The following BCHE variants were observed in gnomAD, a reference collection of about 807,000 sequenced individuals.
BCHE encodes cholinesterase.
A neutral mutation model predicts 51.3 loss-of-function variants in BCHE; 48 were observed. The ratio of observed to expected loss-of-function variants is 0.94; its 90% CI spans 0.74 to 1.19. The LOEUF (loss-of-function observed/expected upper bound fraction) is 1.19. BCHE is among the 50% of genes most tolerant of loss of function. BCHE has a pLI of 0.00. For missense variants in BCHE, 847 were observed against 708.2 expected, an observed-to-expected ratio of 1.20 and a Z score of -2.23; for synonymous variants, 251 against 238.0, an observed-to-expected ratio of 1.05 and a Z score of -0.50.
intron 3 of BCHE, among the ~76,000 whole-genome samples, chr3:165,783,846 G>A (rs1372415361): frequency 1.3e-5 from 2 of 151,934 alleles, no homozygotes; most frequent in Non-Finnish European, 2.9e-5. Context: ...GATAACATTT[G>A]AAATAAATAT....
At chr3:165,792,297 T>C (rs923035253) in intron 2 of BCHE, among the ~76,000 whole-genome samples, 8 of 151,914 alleles carry the variant, frequency 5.3e-5, no homozygotes, top group African/African-American at 1.9e-4. Flanking sequence ...TTACTTTTGA[T>C]AAAAAAAATC....
At chr3:165,836,230 T>C (rs937195174) in intron 1 of BCHE, among the ~76,000 whole-genome samples, 4 of 152,082 alleles carry the variant, frequency 2.6e-5, no homozygotes, top group African/African-American at 9.6e-5. Context: ...TTATTTTATA[T>C]CCAGAGAAAA....
chr3:165,791,660 C>T (rs570936401), intron 2 of BCHE, among the ~76,000 whole-genome samples: 7 of 152,012 alleles, frequency 4.6e-5, no homozygotes, highest in Admixed American at 1.3e-4. Context: ...AATGCAATAT[C>T]AAGAGTTCAC....
At chr3:165,804,401 A>C (rs533788559) in intron 2 of BCHE, among the ~76,000 whole-genome samples, 8 of 152,300 alleles carry the variant, frequency 5.3e-5, no homozygotes, top group Admixed American at 1.3e-4. Flanking sequence ...GTAAAACTAC[A>C]TGAATAAATG....
chr3:165,784,529 A>G (rs1712866170), intron 3 of BCHE, among the ~76,000 whole-genome samples: 1 of 151,974 alleles, frequency 6.6e-6, no homozygotes, highest in Admixed American at 6.6e-5. Context: ...AGGTATTTCC[A>G]TAGAGCTCAG....
chr3:165,830,721 G>A lies in BCHE; in HGVS notation c.313C>T (p.His105Tyr). The change falls in exon 2 of 4, where the codon CAT becomes TAT. Residue 105 changes from histidine to tyrosine, a missense_variant. Transcript: ENST00000264381. ...TTTGGGTTCCACATCTCTGATCCAT[G>A]GAAGCCTGGAAAACTTTGATCTATG... ...QNIDQSFPGF[H>Y]GSEMWNPNTD... is the part of the protein sequence containing the mutation. The A allele has an allele frequency of 6.2e-7, 1 of 1,613,938 alleles. No homozygotes were observed. Among genetic ancestry groups the A allele is most frequent in the South Asian group, 1.1e-5 (1 of 91,074 alleles).
chr3:165,834,315 A>G (rs1715107184), intron 1 of BCHE, among the ~76,000 whole-genome samples: 2 of 151,914 alleles, frequency 1.3e-5, no homozygotes, highest in Admixed American at 1.3e-4. Context: ...AAAATCTTTA[A>G]TTTTTCGATA....
At chr3:165,803,033 C>T (rs1049076956) in intron 2 of BCHE, among the ~76,000 whole-genome samples, 1 of 152,014 alleles carries the variant, frequency 6.6e-6, no homozygotes, top group African/African-American at 2.4e-5. Flanking sequence ...GCCACCGCTC[C>T]GGCCAATAGA....
intron 2 of BCHE, among the ~76,000 whole-genome samples, chr3:165,816,464 C>T (rs1326651440): frequency 6.6e-6 from 1 of 151,630 alleles, no homozygotes; most frequent in Non-Finnish European, 1.5e-5. Flanking sequence ...GAGTTGACTT[C>T]CCTGATCCAC....
intron 2 of BCHE, among the ~76,000 whole-genome samples, chr3:165,823,081 C>T (rs942350654): frequency 1.3e-5 from 2 of 151,930 alleles, no homozygotes; most frequent in African/African-American, 4.8e-5. Context: ...AAGAACAAAA[C>T]GAAGTAAAAT....
At chr3:165,792,209 TA>T (rs1194522467) in intron 2 of BCHE, among the ~76,000 whole-genome samples, 1 of 151,922 alleles carries the variant, frequency 6.6e-6, no homozygotes, top group Admixed American at 6.6e-5. Flanking sequence ...TAACAAAAGT[TA>T]GAATAGCTTT....
intron 1 of BCHE, among the ~76,000 whole-genome samples, chr3:165,833,331 G>T (rs1715058263): frequency 6.6e-6 from 1 of 152,028 alleles, no homozygotes; most frequent in Non-Finnish European, 1.5e-5. Context: ...TCTAATCATT[G>T]TGCACACATT....
chr3:165,798,240 A>G (rs1194964315), intron 2 of BCHE, among the ~76,000 whole-genome samples: 3 of 152,124 alleles, frequency 2.0e-5, no homozygotes, highest in Non-Finnish European at 4.4e-5. Context: ...ACTACAGCGT[A>G]TCCTTTCAAA....
intron 1 of BCHE, among the ~76,000 whole-genome samples, chr3:165,833,080 C>T (rs993279183): frequency 5.3e-5 from 8 of 151,674 alleles, no homozygotes; most frequent in African/African-American, 1.9e-4. Context: ...AAAATGACTG[C>T]TATAATAATA....
chr3:165,794,087 A>AAATT (rs1413160047), intron 2 of BCHE, among the ~76,000 whole-genome samples: 1 of 151,998 alleles, frequency 6.6e-6, no homozygotes, highest in African/African-American at 2.4e-5. Context: ...TAAATTAAAT[A>AAATT]AATTAATTAT....
chr3:165,795,419 T>G (rs1560008692), intron 2 of BCHE, among the ~76,000 whole-genome samples: 1 of 152,144 alleles, frequency 6.6e-6, no homozygotes, highest in African/African-American at 2.4e-5. Context: ...CTGGAAGATG[T>G]AATAAAGGCA....
At chr3:165,828,350 T>C (rs1251673527) in intron 2 of BCHE, among the ~76,000 whole-genome samples, 2 of 152,134 alleles carry the variant, frequency 1.3e-5, no homozygotes, top group African/African-American at 4.8e-5. Context: ...CTGAGTAATG[T>C]GAGTTGCAGC....
chr3:165,790,590 G>GC (rs1264204453), intron 2 of BCHE, among the ~76,000 whole-genome samples: 1 of 152,178 alleles, frequency 6.6e-6, no homozygotes, highest in Non-Finnish European at 1.5e-5. Context: ...AGTGAGGGTA[G>GC]CCATAAGGAC....
rs149383101 is a variant in BCHE, at chr3:165,810,666, T to C, written c.1517+18851A>G. Among the ~76,000 whole-genome samples the C allele has an allele frequency of 7.0e-3, 1,059 of 152,214 alleles. 10 individuals are homozygous for C. Among genetic ancestry groups the C allele is most frequent in the Non-Finnish European group, 9.5e-3 (645 of 68,010 alleles). ...GTGGGGATGCATTGTGTTCGTTAGC[T>C]CTGTTTTGGGGCTATCTGGAGAATT... On this transcript the variant is annotated intron_variant, in intron 2 of 3. Transcript: ENST00000264381.
Sources: allele counts gnomAD v4.1 joint callset (sites outside exome capture counted in the v4.1 genomes callset), GRCh38; gene constraint gnomAD v4.1.1; transcripts MANE v1.5; gene names NCBI Gene and HGNC (gene_info 2026-07-23, HGNC 2026-07-21).